AEBP2: variants seen among roughly 807,000 people sequenced by gnomAD.
The protein encoded by AEBP2 is AE binding protein 2.
In AEBP2, 10 loss-of-function variants were observed where a neutral mutation model predicts 50.8. The ratio of observed to expected loss-of-function variants is 0.20; its 90% confidence interval spans 0.12 to 0.33. The LOEUF (loss-of-function observed/expected upper bound fraction) is 0.33, where lower values mean the gene tolerates loss of function less well. AEBP2 is among the 10% of genes least tolerant of loss of function. The pLI is 1.00. For missense variants in AEBP2, 570 were observed against 688.0 expected (o/e 0.83, Z 1.92); for synonymous variants, 296 against 261.3 (o/e 1.13, Z -1.28).
intron 5 of AEBP2, among the ~76,000 whole-genome samples, chr12:19,506,556 G>A (rs1427738763): frequency 6.6e-6 from 1 of 152,194 alleles, no homozygotes; most frequent in African/African-American, 2.4e-5. Context: ...AGATAGAATA[G>A]TTCCAGCACT....
intron 1 of AEBP2, among the ~76,000 whole-genome samples, chr12:19,441,921 T>G (rs554162643): frequency 6.6e-6 from 1 of 152,280 alleles, no homozygotes; most frequent in South Asian, 2.1e-4. Flanking sequence ...CTGTACAAAT[T>G]AGATGTCTTC....
chr12:19,476,452 C>T (rs1443350813), intron 3 of AEBP2, among the ~76,000 whole-genome samples: 3 of 152,252 alleles, frequency 2.0e-5, no homozygotes, highest in Admixed American at 6.5e-5. Context: ...AGCAATTCTC[C>T]CGCCTCAGAC....
At chr12:19,495,908 A>G (rs1051846986) in intron 4 of AEBP2, among the ~76,000 whole-genome samples, 3 of 152,002 alleles carry the variant, frequency 2.0e-5, no homozygotes, top group African/African-American at 7.3e-5. Flanking sequence ...TTATGGTACC[A>G]TTTTCATTTT....
intron 5 of AEBP2, among the ~76,000 whole-genome samples, chr12:19,509,444 T>C (rs149684109): frequency 7.9e-5 from 12 of 152,212 alleles, no homozygotes; most frequent in African/African-American, 2.9e-4. Context: ...TGTGAAAATA[T>C]ATGATTAAAA....
At chr12:19,481,015 A>G (rs1463852755) in intron 3 of AEBP2, among the ~76,000 whole-genome samples, 2 of 132,688 alleles carry the variant, frequency 1.5e-5, no homozygotes, top group East Asian at 4.9e-4. Context: ...TCTTTGTCTG[A>G]TTGGGTTATT....
intron 1 of AEBP2, among the ~76,000 whole-genome samples, chr12:19,433,007 C>A (rs536463177): frequency 6.6e-6 from 1 of 152,012 alleles, no homozygotes; most frequent in Non-Finnish European, 1.5e-5. Context: ...CTTACAATTA[C>A]CTATAGCATC....
At chr12:19,468,680 TACACTGGTTCAA>T (rs1948525375) in intron 2 of AEBP2, among the ~76,000 whole-genome samples, 1 of 152,228 alleles carries the variant, frequency 6.6e-6, no homozygotes, top group Non-Finnish European at 1.5e-5. Flanking sequence ...CACTGGTTCA[TACACTGGTTCAA>T]GGATATTGAC....
At chr12:19,468,218 G>T (rs1763192084) in intron 2 of AEBP2, among the ~76,000 whole-genome samples, 1 of 150,746 alleles carries the variant, frequency 6.6e-6, no homozygotes, top group South Asian at 2.1e-4. Context: ...ATGTTGTCCA[G>T]CTCCTGGGCT....
intron 1 of AEBP2, among the ~76,000 whole-genome samples, chr12:19,415,772 T>C (rs2095742245): frequency 6.6e-6 from 1 of 152,136 alleles, no homozygotes; most frequent in Admixed American, 6.6e-5. Context: ...CCTAGAGGCC[T>C]GTAACCCACA....
intron 1 of AEBP2, among the ~76,000 whole-genome samples, chr12:19,432,082 G>C (rs924094921): frequency 6.6e-6 from 1 of 152,134 alleles, no homozygotes; most frequent in African/African-American, 2.4e-5. Context: ...TGCTGCCATG[G>C]GGGCTGAAGC....
Position 19,518,500 on chromosome 12 carries a change from TACA to T in AEBP2, c.*387_*389del. The T allele has an allele frequency of 1.6e-6, 2 of 1,251,008 alleles. No individual in the cohort carries two copies. The highest frequency in any genetic ancestry group is 1.5e-5 in the African/African-American group (1 of 64,744). 77.5% of individuals were successfully genotyped at this position (1,251,008 alleles called of 1,614,324 possible). A position where few individuals can be genotyped will look rare whatever the true frequency, so the allele number is the denominator to read the frequency against. ...AGTTTATATTGGAAAGAAAAACAAT[TACA>T]ACATGTGCCCTTACAAATACCAAAA... is the stretch of plus-strand genomic sequence containing the variant. On this transcript the variant is annotated 3_prime_UTR_variant, in exon 8 of 8. Coordinates refer to ENST00000266508, the MANE Select transcript of AEBP2 (RefSeq NM_153207.5).
chr12:19,445,744 TG>T (rs1485939717), intron 1 of AEBP2, among the ~76,000 whole-genome samples: 2 of 152,186 alleles, frequency 1.3e-5, no homozygotes, highest in Non-Finnish European at 2.9e-5. Flanking sequence ...CAAAAGGATA[TG>T]GTAGACTAAA....
At chr12:19,420,508 A>C (rs116292416) in intron 1 of AEBP2, among the ~76,000 whole-genome samples, 7,214 of 148,260 alleles carry the variant, frequency 0.049, 385 homozygotes, top group Admixed American at 0.15. Context: ...TAATTTTTCT[A>C]TTTCTAGTAG....
chr12:19,453,528 A>G (rs1948205408), intron 1 of AEBP2, among the ~76,000 whole-genome samples: 1 of 151,294 alleles, frequency 6.6e-6, no homozygotes, highest in Admixed American at 6.6e-5. Context: ...GGTTCAAACG[A>G]TTCTCCTGCC....
At chr12:19,481,654 T>G (rs1948731768) in intron 3 of AEBP2, among the ~76,000 whole-genome samples, 1 of 152,086 alleles carries the variant, frequency 6.6e-6, no homozygotes, top group Admixed American at 6.6e-5. Flanking sequence ...AAATTTTGTA[T>G]TTTTAGTAGA....
intron 1 of AEBP2, among the ~76,000 whole-genome samples, chr12:19,440,954 T>C (rs572699053): frequency 6.6e-6 from 1 of 152,376 alleles, no homozygotes; most frequent in Non-Finnish European, 1.5e-5. Flanking sequence ...CAACGTGATT[T>C]TAACAATCTT....
At chr12:19,464,658 C>T (rs1379416596) in intron 2 of AEBP2, among the ~76,000 whole-genome samples, 1 of 151,636 alleles carries the variant, frequency 6.6e-6, no homozygotes, top group Non-Finnish European at 1.5e-5. Flanking sequence ...GCGGTCTCAG[C>T]TCACTGCAAC....
rs1343440005 is a variant in AEBP2 at position 19,522,055 on chromosome 12, C to T, written c.*3938C>T. 6.6e-6 allele frequency: 1 copy of T among 151,354 alleles called. No individual in the cohort carries two copies. The highest frequency in any genetic ancestry group is 2.4e-5 in the African/African-American group (1 of 41,304). The allele number at this position is 151,354 out of a possible 1,614,324, so 9.4% of individuals were successfully genotyped here. On this transcript the variant is annotated 3_prime_UTR_variant, in exon 8 of 8. Coordinates refer to ENST00000266508, the MANE Select transcript of AEBP2 (RefSeq NM_153207.5). The stretch of plus-strand genomic sequence containing the variant: ...TTTGTTTCTAAAAAAGGAGTTAAAT[C>T]GTGTCACCTGAATTTTTTTTTTTTG...
chr12:19,432,092 C>T (rs2095751713), intron 1 of AEBP2, among the ~76,000 whole-genome samples: 1 of 152,146 alleles, frequency 6.6e-6, no homozygotes, highest in African/African-American at 2.4e-5. Flanking sequence ...GGGGCTGAAG[C>T]TGCTTCCTGG....
Sources: allele counts gnomAD v4.1 joint callset (sites outside exome capture counted in the v4.1 genomes callset), GRCh38; gene constraint gnomAD v4.1.1; transcripts MANE v1.5; gene names NCBI Gene and HGNC (gene_info 2026-07-23, HGNC 2026-07-21).